Variants in TTC29 observed in about 807,000 individuals in gnomAD.
TTC29 encodes tetratricopeptide repeat protein 29.
A neutral mutation model predicts 58.1 loss-of-function variants in TTC29; 49 were observed. The observed-to-expected ratio is 0.84, with a 90% CI of 0.67 to 1.07. TTC29 has a LOEUF of 1.07. TTC29 is among the 50% of genes least tolerant of loss of function. The probability of loss-of-function intolerance (pLI) is 0.00; values close to 1 mark genes in which losing one functional copy is unlikely to be tolerated. For synonymous variants in TTC29, 209 were observed against 196.8 expected, an observed-to-expected ratio of 1.06 and a Z score of -0.52; for missense variants, 582 against 555.6, an observed-to-expected ratio of 1.05 and a Z score of -0.48.
intron 6 of TTC29, among the ~76,000 whole-genome samples, chr4:146,899,469 A>G (rs1030171147): frequency 3.9e-5 from 6 of 152,186 alleles, no homozygotes; most frequent in Admixed American, 2.6e-4. Flanking sequence ...GATTTGTTCC[A>G]AGTGTTTTTC....
intron 8 of TTC29, among the ~76,000 whole-genome samples, chr4:146,856,314 G>A (rs372287614): frequency 2.6e-5 from 4 of 151,726 alleles, no homozygotes; most frequent in East Asian, 3.9e-4. Flanking sequence ...TTTAAAAAAC[G>A]AATAAGTAAA....
At chr4:146,931,366 G>T (rs1735325077) in intron 4 of TTC29, among the ~76,000 whole-genome samples, 1 of 152,032 alleles carries the variant, frequency 6.6e-6, no homozygotes, top group Non-Finnish European at 1.5e-5. Context: ...AAATATTTAG[G>T]TTATTTATAC....
intron 11 of TTC29, among the ~76,000 whole-genome samples, chr4:146,754,621 C>G (rs1034480388): frequency 1.2e-4 from 18 of 152,074 alleles, no homozygotes; most frequent in Admixed American, 2.0e-4. Context: ...TTAACATATG[C>G]AAATCAATCA....
chr4:146,860,072 T>G (rs1053736050), intron 8 of TTC29, among the ~76,000 whole-genome samples: 3 of 152,140 alleles, frequency 2.0e-5, no homozygotes, highest in Non-Finnish European at 4.4e-5. Flanking sequence ...GGTTTGTCAG[T>G]ATTAAATCTG....
chr4:146,937,111 T>G (rs913135365), intron 4 of TTC29, among the ~76,000 whole-genome samples: 2 of 152,044 alleles, frequency 1.3e-5, no homozygotes, highest in Non-Finnish European at 2.9e-5. Flanking sequence ...ATCTAAAAAA[T>G]AAATCTAGAC....
At chr4:146,933,761 TTTC>T (rs1735530132) in intron 4 of TTC29, among the ~76,000 whole-genome samples, 1 of 152,180 alleles carries the variant, frequency 6.6e-6, no homozygotes, top group Non-Finnish European at 1.5e-5. Context: ...CATACTGAAA[TTTC>T]TTCTGTGAAG....
intron 10 of TTC29, among the ~76,000 whole-genome samples, chr4:146,814,586 C>T (rs550001971): frequency 3.8e-4 from 57 of 151,912 alleles, no homozygotes; most frequent in Non-Finnish European, 4.9e-4. Flanking sequence ...ATTAGCTGGG[C>T]GTGGTGGCGC....
intron 8 of TTC29, among the ~76,000 whole-genome samples, chr4:146,858,771 G>A (rs756394052): frequency 5.9e-5 from 9 of 152,146 alleles, no homozygotes; most frequent in Non-Finnish European, 1.0e-4. Flanking sequence ...TACAGAAGAG[G>A]AAACTAATGT....
At chr4:146,924,576 A>T (rs1193657184) in intron 4 of TTC29, among the ~76,000 whole-genome samples, 1 of 151,830 alleles carries the variant, frequency 6.6e-6, no homozygotes, top group East Asian at 1.9e-4. Context: ...TATCTGTGTA[A>T]TCTGTAGTAA....
intron 4 of TTC29, among the ~76,000 whole-genome samples, chr4:146,915,049 G>A (rs2150293619): frequency 6.6e-6 from 1 of 152,132 alleles, no homozygotes; most frequent in Middle Eastern, 3.4e-3. Flanking sequence ...TTTCTAACTG[G>A]CACAATAACT....
chr4:146,939,316 A>G (rs1736142799), intron 3 of TTC29, among the ~76,000 whole-genome samples: 1 of 152,116 alleles, frequency 6.6e-6, no homozygotes, highest in African/African-American at 2.4e-5. Context: ...TTAGCTGGGC[A>G]TAGTGCTGCG....
rs185256025 is a variant in TTC29 at position 146,746,349 on chromosome 4, G to A, written c.1331-38798C>T. 9.8e-4 allele frequency among the ~76,000 whole-genome samples: 149 copies of A among 152,274 alleles called. 1 individual carries two copies. The Middle Eastern group carries it at 0.014, about 14-fold the overall frequency. ...AACAAAGAATAGACAGTTGCATTAA[G>A]AATTAGAAATGTTAAAAATATCACA... On this transcript the variant is annotated intron_variant, in intron 11 of 12. Coordinates refer to ENST00000325106, the MANE Select transcript of TTC29 (RefSeq NM_031956.4).
Position 146,833,788 on chromosome 4 carries a change from G to T in TTC29, c.977+18C>A. The T allele has an allele frequency of 1.3e-6, 2 of 1,595,118 alleles. No homozygotes were observed. The highest frequency in any genetic ancestry group is 2.2e-5 in the South Asian group (2 of 90,636). ...AGTGAATTCACAGTGACAGCAAGAT[G>T]AGAATGTGCTAACTTACCTCTGCAG... On this transcript the variant is annotated intron_variant, in intron 9 of 12. Coordinates refer to ENST00000325106, the MANE Select transcript of TTC29 (RefSeq NM_031956.4).
At chr4:146,874,654 CTT>C (rs1731135341) in intron 7 of TTC29, 60 bp downstream of exon 7, 2 of 1,329,510 alleles carry the variant, frequency 1.5e-6, no homozygotes, top group South Asian at 2.5e-5. Flanking sequence ...TTACTTCACT[CTT>C]GGGAGAAACA....
At chr4:146,925,072 C>T (rs1342166377) in intron 4 of TTC29, among the ~76,000 whole-genome samples, 1 of 152,042 alleles carries the variant, frequency 6.6e-6, no homozygotes, top group African/African-American at 2.4e-5. Flanking sequence ...TAGGAGAACA[C>T]AGTTGGAAGG....
At chr4:146,717,095 T>G (rs915527889) in intron 11 of TTC29, among the ~76,000 whole-genome samples, 2 of 152,316 alleles carry the variant, frequency 1.3e-5, no homozygotes, top group African/African-American at 4.8e-5. Flanking sequence ...GCTTTATGGA[T>G]TTATATTTAA....
At chr4:146,821,667 C>G (rs1489968944) in intron 9 of TTC29, among the ~76,000 whole-genome samples, 1 of 152,134 alleles carries the variant, frequency 6.6e-6, no homozygotes, top group Non-Finnish European at 1.5e-5. Flanking sequence ...GACACATATG[C>G]TGCACACATG....
At chr4:146,753,836 T>C (rs1293140452) in intron 11 of TTC29, among the ~76,000 whole-genome samples, 2 of 150,418 alleles carry the variant, frequency 1.3e-5, no homozygotes, top group African/African-American at 4.9e-5. Flanking sequence ...TTTTCACTCA[T>C]AGGTGGGAAT....
Position 146,707,042 on chromosome 4 carries a change from C to A in TTC29, c.*116G>T. On this transcript the variant is annotated 3_prime_UTR_variant, in exon 13 of 13. Transcript: ENST00000325106. The stretch of plus-strand genomic sequence containing the variant: ...AAATGCAAAATCCAATGAAAAGAGT[C>A]ATAGTCCGTTTTATTATAACTCTAT... 1.5e-6 allele frequency: 1 copy of A among 675,812 alleles called. No homozygotes were observed. The highest frequency in any genetic ancestry group is 3.2e-5 in the East Asian group (1 of 30,830). 41.9% of individuals were successfully genotyped at this position (675,812 alleles called of 1,614,324 possible).
Sources: gnomAD v4.1 joint callset for allele counts (sites outside exome capture counted in the v4.1 genomes callset) on GRCh38, gnomAD v4.1.1 for gene constraint, MANE v1.5 for transcripts, NCBI Gene and HGNC (gene_info 2026-07-23, HGNC 2026-07-21) for gene names.